The following ARL5B variants were observed in gnomAD, a reference collection of about 807,000 sequenced individuals.
The protein encoded by ARL5B is ARF like GTPase 5B.
ARL5B carries 10 observed loss-of-function variants against 26.9 expected under a neutral mutation model. The observed-to-expected ratio is 0.37, with a 90% CI of 0.23 to 0.63. The LOEUF is 0.63. ARL5B is among the 30% of genes least tolerant of loss of function. The pLI is 0.62. For synonymous variants in ARL5B, 87 were observed against 70.4 expected, an observed-to-expected ratio of 1.24 and a Z score of -1.18; for missense variants, 167 against 213.9, an observed-to-expected ratio of 0.78 and a Z score of 1.37.
At chr10:18,664,913 C>A (rs1326197259) in intron 1 of ARL5B, among the ~76,000 whole-genome samples, 1 of 152,158 alleles carries the variant, frequency 6.6e-6, no homozygotes, top group Admixed American at 6.5e-5. Context: ...ATTTGAGTTG[C>A]TTCAAGAAGG....
rs1446750435 is a variant in ARL5B at position 18,677,293 on chromosome 10, T to G, written c.*2077T>G. ...TTTATATTACCACATCAGCATTATA[T>G]TAAAAGTGTTTTTAATAGTTGATTG... is the stretch of plus-strand genomic sequence containing the variant. On this transcript the variant is annotated 3_prime_UTR_variant, in exon 6 of 6. Coordinates refer to ENST00000377275, the MANE Select transcript of ARL5B (RefSeq NM_178815.5). 2.0e-5 allele frequency: 3 copies of G among 152,298 alleles called. No individual in the cohort carries two copies. Among genetic ancestry groups the G allele is most frequent in the Non-Finnish European group, 4.4e-5 (3 of 67,830 alleles). 9.4% of individuals were successfully genotyped at this position (152,298 alleles called of 1,614,324 possible).
At position 18,677,508 on chromosome 10, in the gene ARL5B, T is replaced by C. The variant is rs1053575868; in HGVS notation, c.*2292T>C. ...TGGGAAAAGTTCATGATTAGGAAAT[T>C]CATGTAAGACTTTTTAAGAGTATTT... On this transcript the variant is annotated 3_prime_UTR_variant, in exon 6 of 6. Transcript: ENST00000377275. 3.3e-5 allele frequency: 5 copies of C among 152,228 alleles called. No individual in the cohort carries two copies. Among genetic ancestry groups the C allele is most frequent in the Non-Finnish European group, 7.4e-5 (5 of 67,774 alleles). The allele number at this position is 152,228 out of a possible 1,614,324, so 9.4% of individuals were successfully genotyped here.
At chr10:18,674,175 A>T in intron 5 of ARL5B, 40 bp downstream of exon 5, 1 of 1,552,550 alleles carries the variant, frequency 6.4e-7, no homozygotes, top group Non-Finnish European at 8.7e-7. Flanking sequence ...ACTTCTTTCA[A>T]ATTTCTTCCA....
At chr10:18,661,664 G>T (rs1255465140) in intron 1 of ARL5B, among the ~76,000 whole-genome samples, 2 of 152,142 alleles carry the variant, frequency 1.3e-5, no homozygotes, top group Non-Finnish European at 2.9e-5. Context: ...GAAAAAAAAT[G>T]CAGTGTGGTA....
At chr10:18,674,204 T>C in intron 5 of ARL5B, 69 bp downstream of exon 5, 5 of 1,449,036 alleles carry the variant, frequency 3.5e-6, no homozygotes, top group Non-Finnish European at 4.7e-6. Context: ...GGCCAACTTG[T>C]TTTCTTCATG....
At chr10:18,672,932 A>C (rs2131645890) in intron 4 of ARL5B, among the ~76,000 whole-genome samples, 1 of 152,348 alleles carries the variant, frequency 6.6e-6, no homozygotes, top group East Asian at 1.9e-4. Flanking sequence ...TTATTGTAAA[A>C]ATTTTTCAAA....
intron 1 of ARL5B, chr10:18,660,031 C>A: frequency 1.2e-6 from 1 of 842,098 alleles, no homozygotes; most frequent in Non-Finnish European, 1.4e-6. Flanking sequence ...TGTGTATCCC[C>A]AGGATAAGTG....
At chr10:18,661,240 G>A in intron 1 of ARL5B, among the ~76,000 whole-genome samples, 1 of 152,304 alleles carries the variant, frequency 6.6e-6, no homozygotes, top group African/African-American at 2.4e-5. Flanking sequence ...GAATCGAAAC[G>A]TTACCGAAGT....
intron 3 of ARL5B, among the ~76,000 whole-genome samples, chr10:18,669,990 A>G (rs2131643398): frequency 7.2e-6 from 1 of 139,636 alleles, no homozygotes; most frequent in East Asian, 2.1e-4. Context: ...CGAGACTCTT[A>G]TCTCAAAAAA....
rs1052242822 is a variant in ARL5B, at chr10:18,676,489, T to C, written c.*1273T>C. Reference sequence around the variant, plus strand: ...CATTAAAACATTTTTGAGGCAGTTGTCTAATATGAACAATAATCTAAACAA... The same window carrying C: ...CATTAAAACATTTTTGAGGCAGTTGCCTAATATGAACAATAATCTAAACAA... On this transcript the variant is annotated 3_prime_UTR_variant, in exon 6 of 6. Coordinates refer to ENST00000377275, the MANE Select transcript of ARL5B (RefSeq NM_178815.5). 2.0e-5 allele frequency: 3 copies of C among 152,014 alleles called. No individual in the cohort carries two copies. Among genetic ancestry groups the C allele is most frequent in the African/African-American group, 7.2e-5 (3 of 41,440 alleles). 9.4% of individuals were successfully genotyped at this position (152,014 alleles called of 1,614,324 possible). A position where few individuals can be genotyped will look rare whatever the true frequency, so the allele number is the denominator to read the frequency against.
At position 18,675,366 on chromosome 10, in the gene ARL5B, C is replaced by A; in HGVS notation, c.*150C>A. Reference sequence around the variant, plus strand: ...TGAATCAAGTGCAGCTGAACTGGAACATAAAAGATTTTTTCTTAACTTTTT... The same window carrying A: ...TGAATCAAGTGCAGCTGAACTGGAAAATAAAAGATTTTTTCTTAACTTTTT... On this transcript the variant is annotated 3_prime_UTR_variant, in exon 6 of 6. Coordinates refer to ENST00000377275, the MANE Select transcript of ARL5B (RefSeq NM_178815.5). 4.5e-6 allele frequency: 3 copies of A among 661,356 alleles called. No individual in the cohort carries two copies. The highest frequency in any genetic ancestry group is 7.6e-6 in the Non-Finnish European group (3 of 393,668). The allele number at this position is 661,356 out of a possible 1,614,324, so 41.0% of individuals were successfully genotyped here. A position where few individuals can be genotyped will look rare whatever the true frequency, so the allele number is the denominator to read the frequency against.
Position 18,680,505 on chromosome 10 carries a change from C to G in ARL5B, c.*5289C>G, listed in dbSNP as rs2059927914. 6.6e-6 allele frequency: 1 copy of G among 151,864 alleles called. No homozygotes were observed. The highest frequency in any genetic ancestry group is 1.5e-5 in the Non-Finnish European group (1 of 67,874). 9.4% of individuals were successfully genotyped at this position (151,864 alleles called of 1,614,324 possible). A position where few individuals can be genotyped will look rare whatever the true frequency, so the allele number is the denominator to read the frequency against. On this transcript the variant is annotated 3_prime_UTR_variant, in exon 6 of 6. Transcript: ENST00000377275. ...GATATCAAATGACTATCAGTTGATC[C>G]CAGTCATCAGTGACTTATTTGCATA...
intron 2 of ARL5B, 148 bp from the exon 3 acceptor site, chr10:18,668,382 G>A (rs2059870944): frequency 1.4e-6 from 1 of 727,086 alleles, no homozygotes; most frequent in African/African-American, 1.8e-5. Flanking sequence ...ATATTGATTT[G>A]CGCAAGTGTT....
intron 1 of ARL5B, 84 bp from the exon 2 acceptor site, chr10:18,666,491 A>G: frequency 2.7e-6 from 3 of 1,092,704 alleles, no homozygotes; most frequent in Non-Finnish European, 4.0e-6. Context: ...CTCATTAATG[A>G]GCTAACTAAT....
chr10:18,668,741 A>T (rs2059873092), intron 3 of ARL5B, 64 bp downstream of exon 3: 1 of 1,498,188 alleles, frequency 6.7e-7, no homozygotes, highest in African/African-American at 1.4e-5. Context: ...GAAAGTAATT[A>T]GGCTGCACCT....
chr10:18,670,489 T>C (rs2059882150), intron 3 of ARL5B, among the ~76,000 whole-genome samples: 2 of 152,026 alleles, frequency 1.3e-5, no homozygotes, highest in African/African-American at 2.4e-5. Context: ...CATGTGCCTG[T>C]AGTCCCAGCT....
intron 3 of ARL5B, among the ~76,000 whole-genome samples, chr10:18,670,746 A>C (rs1312553488): frequency 6.6e-6 from 1 of 152,276 alleles, no homozygotes; most frequent in African/African-American, 2.4e-5. Flanking sequence ...TGAATAGGTC[A>C]AAGTTGATTC....
In ARL5B at chr10:18,674,185, A is replaced by G. The variant is rs187136818; in HGVS notation, c.491+50A>G. 7.0e-5 allele frequency: 108 copies of G among 1,532,248 alleles called. No individual in the cohort carries two copies. The African/African-American group carries it at 1.1e-3, about 16-fold the overall frequency. 94.9% of individuals were successfully genotyped at this position (1,532,248 alleles called of 1,614,324 possible). ...GTATGACTTCTTTCAAATTTCTTCCAACTTTTTAGGCCAACTTGTTTTCTT... is the reference window on the plus strand; with the variant it reads ...GTATGACTTCTTTCAAATTTCTTCCGACTTTTTAGGCCAACTTGTTTTCTT... On this transcript the variant is annotated intron_variant, in intron 5 of 5. Transcript: ENST00000377275.
Position 18,676,680 on chromosome 10 carries a change from T to C in ARL5B, c.*1464T>C, listed in dbSNP as rs781607722. The stretch of plus-strand genomic sequence containing the variant: ...TAAAAAAGATACAAAGTTCATAATA[T>C]CAAAATATGTGTTCAAAATTGGTAT... On this transcript the variant is annotated 3_prime_UTR_variant, in exon 6 of 6. Transcript: ENST00000377275. 21 of 152,076 alleles carry C rather than the reference T, an allele frequency of 1.4e-4. No individual in the cohort carries two copies. Among genetic ancestry groups the C allele is most frequent in the Non-Finnish European group, 2.4e-4 (16 of 67,908 alleles). The allele number at this position is 152,076 out of a possible 1,614,324, so 9.4% of individuals were successfully genotyped here. A position where few individuals can be genotyped will look rare whatever the true frequency, so the allele number is the denominator to read the frequency against.
Sources: gnomAD v4.1 joint callset for allele counts (sites outside exome capture counted in the v4.1 genomes callset) on GRCh38, gnomAD v4.1.1 for gene constraint, MANE v1.5 for transcripts, NCBI Gene and HGNC (gene_info 2026-07-23, HGNC 2026-07-21) for gene names.